The following CAPRIN1 variants were observed in gnomAD, a reference collection of about 807,000 sequenced individuals.
CAPRIN1 encodes caprin-1.
In CAPRIN1, 29 loss-of-function variants were observed where a neutral mutation model predicts 100.9. That is an observed-to-expected ratio of 0.29 (90% CI 0.21 to 0.39). The LOEUF (loss-of-function observed/expected upper bound fraction) is 0.39. Among genes scored for constraint, CAPRIN1 ranks in the 10% least tolerant of loss-of-function variants. CAPRIN1 has a pLI of 1.00. For synonymous variants in CAPRIN1, 338 were observed against 307.5 expected, an observed-to-expected ratio of 1.10 and a Z score of -1.04; for missense variants, 795 against 876.7, an observed-to-expected ratio of 0.91 and a Z score of 1.18.
At chr11:34,085,448 T>G (rs1348838202) in intron 9 of CAPRIN1, among the ~76,000 whole-genome samples, 1 of 140,674 alleles carries the variant, frequency 7.1e-6, no homozygotes, top group African/African-American at 2.4e-5. Context: ...CATAACAGTT[T>G]TAAGAAAAAT....
rs1283887833 is a variant in CAPRIN1 at position 34,099,530 on chromosome 11, A to T, written c.*163A>T. Reference sequence around the variant, plus strand: ...ACAGGACTACAATTGTCAGCTTTCTATTACCTGGATATGGAAGGAAACTAT... The same window carrying T: ...ACAGGACTACAATTGTCAGCTTTCTTTTACCTGGATATGGAAGGAAACTAT... On this transcript the variant is annotated 3_prime_UTR_variant, in exon 19 of 19. Transcript: ENST00000341394. The T allele has an allele frequency of 4.6e-5, 29 of 637,036 alleles. No individual in the cohort carries two copies. The highest frequency in any genetic ancestry group is 7.5e-5 in the Non-Finnish European group (27 of 357,910). The allele number at this position is 637,036 out of a possible 1,614,324, so 39.5% of individuals were successfully genotyped here. A position where few individuals can be genotyped will look rare whatever the true frequency, so the allele number is the denominator to read the frequency against.
At position 34,101,655 on chromosome 11, in the gene CAPRIN1, CTTTTAT is replaced by C. The variant is rs1851456617; in HGVS notation, c.*2289_*2294del. ...TTACCATCACAGTTTAAATGTATATCTTTTATGTCTCTACTCAGACCATATTTTTAA... is the reference window on the plus strand; with the variant it reads ...TTACCATCACAGTTTAAATGTATATCGTCTCTACTCAGACCATATTTTTAA... On this transcript the variant is annotated 3_prime_UTR_variant, in exon 19 of 19. Coordinates refer to ENST00000341394, the MANE Select transcript of CAPRIN1 (RefSeq NM_005898.5). Among the ~76,000 whole-genome samples the C allele has an allele frequency of 6.6e-6, 1 of 152,092 alleles. No individual in the cohort carries two copies. Among genetic ancestry groups the C allele is most frequent in the Middle Eastern group, 3.4e-3 (1 of 294 alleles).
Position 34,090,151 on chromosome 11 carries a change from A to C in CAPRIN1, c.1294-28A>C, listed in dbSNP as rs773103252. Reference sequence around the variant, plus strand: ...AACAGTCAATTTTGTAAGCAGGAAGAAGCTTTTATTTCTTTACTTATGTCT... The same window carrying C: ...AACAGTCAATTTTGTAAGCAGGAAGCAGCTTTTATTTCTTTACTTATGTCT... On this transcript the variant is annotated intron_variant, in intron 12 of 18. Coordinates refer to ENST00000341394, the MANE Select transcript of CAPRIN1 (RefSeq NM_005898.5). The C allele has an allele frequency of 2.1e-6, 3 of 1,437,976 alleles. No individual in the cohort carries two copies. In the South Asian group the frequency reaches 3.5e-5, roughly 17 times the overall value. The allele number at this position is 1,437,976 out of a possible 1,614,324, so 89.1% of individuals were successfully genotyped here. A position where few individuals can be genotyped will look rare whatever the true frequency, so the allele number is the denominator to read the frequency against.
Position 34,102,260 on chromosome 11 carries a change from T to C in CAPRIN1, c.*2893T>C, listed in dbSNP as rs373249608. 8.5e-5 allele frequency among the ~76,000 whole-genome samples: 13 copies of C among 152,338 alleles called. No individual in the cohort carries two copies. In the East Asian group the frequency reaches 1.2e-3, roughly 14 times the overall value. On this transcript the variant is annotated 3_prime_UTR_variant, in exon 19 of 19. Coordinates refer to ENST00000341394, the MANE Select transcript of CAPRIN1 (RefSeq NM_005898.5). The stretch of plus-strand genomic sequence containing the variant: ...TTGAGCAGTCAGCTTCCTAAGTGTT[T>C]TAGGACATTTGTTCATTATATTTTC...
intron 2 of CAPRIN1, among the ~76,000 whole-genome samples, chr11:34,066,920 TC>T (rs897204637): frequency 6.8e-6 from 1 of 147,926 alleles, no homozygotes; most frequent in Non-Finnish European, 1.5e-5. Context: ...GCGTGAGCCA[TC>T]ACACCCAGCA....
chr11:34,078,196 A>G (rs574338143), intron 6 of CAPRIN1, among the ~76,000 whole-genome samples: 1 of 152,316 alleles, frequency 6.6e-6, no homozygotes, highest in East Asian at 1.9e-4. Flanking sequence ...TTGAGCCAGG[A>G]GCCGCTGAAG....
At chr11:34,071,278 C>A (rs1850799960) in intron 2 of CAPRIN1, among the ~76,000 whole-genome samples, 2 of 152,056 alleles carry the variant, frequency 1.3e-5, no homozygotes. Flanking sequence ...GTTTTATGTA[C>A]TTAGGCTGGG....
intron 7 of CAPRIN1, among the ~76,000 whole-genome samples, chr11:34,080,922 T>C (rs1422247964): frequency 2.6e-5 from 4 of 152,180 alleles, no homozygotes; most frequent in Non-Finnish European, 4.4e-5. Context: ...GCAATCTTTT[T>C]CCCCCTCTTA....
chr11:34,064,250 C>CT (rs145731733), intron 2 of CAPRIN1, among the ~76,000 whole-genome samples: 15,568 of 152,216 alleles, frequency 0.1, 867 homozygotes, highest in African/African-American at 0.15. Flanking sequence ...TTACTCCTAT[C>CT]TTACCATTCT....
rs1338219104 is a variant in CAPRIN1, at chr11:34,102,588, C to T, written c.*3221C>T. ...AGACTAGTGAATGTTTAAAATTACA[C>T]TAGATTAAATAATATGAAAGTCTGG... On this transcript the variant is annotated 3_prime_UTR_variant, in exon 19 of 19. Coordinates refer to ENST00000341394, the MANE Select transcript of CAPRIN1 (RefSeq NM_005898.5). Among the ~76,000 whole-genome samples, 2 of 152,168 alleles carry T rather than the reference C, an allele frequency of 1.3e-5. No individual in the cohort carries two copies. The highest frequency in any genetic ancestry group is 6.5e-5 in the Admixed American group (1 of 15,274).
chr11:34,065,309 A>G (rs1850667246), intron 2 of CAPRIN1, among the ~76,000 whole-genome samples: 1 of 152,228 alleles, frequency 6.6e-6, no homozygotes, highest in Non-Finnish European at 1.5e-5. Flanking sequence ...TGTTTGATTC[A>G]GAATAATTTA....
In CAPRIN1 at chr11:34,056,466, T is replaced by C. The variant is rs578241949; in HGVS notation, c.216+3830T>C. On this transcript the variant is annotated intron_variant, in intron 2 of 18. Transcript: ENST00000341394. ...TGTTATGTAATGCAACTAAAAGGCT[T>C]GGTGGGTTTTTAAATTCAGGCTTAT... The C allele has an allele frequency of 1.5e-4, 23 of 152,320 alleles. No individual in the cohort carries two copies. The South Asian group carries it at 4.8e-3, about 32-fold the overall frequency. 9.4% of individuals were successfully genotyped at this position (152,320 alleles called of 1,614,324 possible).
chr11:34,082,944 T>C lies in CAPRIN1; in HGVS notation c.880-11T>C, dbSNP rs199895123. 1.9e-6 allele frequency: 3 copies of C among 1,613,622 alleles called. No homozygotes were observed. Among genetic ancestry groups the C allele is most frequent in the Non-Finnish European group, 2.5e-6 (3 of 1,179,612 alleles). ...CAAACAAATGTCTCAAACATTTACT[T>C]TGCTTTGCAGTATGTAAATAGACAG... On this transcript the variant is annotated splice_polypyrimidine_tract_variant and intron_variant, in intron 8 of 18. Transcript: ENST00000341394.
intron 14 of CAPRIN1, 30 bp from the exon 15 acceptor site, chr11:34,091,876 G>T: frequency 6.3e-7 from 1 of 1,586,276 alleles, no homozygotes; most frequent in South Asian, 1.1e-5. Flanking sequence ...ATAAAAGGAT[G>T]AACTAATCAT....
At chr11:34,061,925 G>A (rs374947612) in intron 2 of CAPRIN1, among the ~76,000 whole-genome samples, 1 of 135,300 alleles carries the variant, frequency 7.4e-6, no homozygotes, top group East Asian at 2.2e-4. Flanking sequence ...AGCCAAGATC[G>A]CACCACTACA....
rs1054879366 is a variant in CAPRIN1 at position 34,099,373 on chromosome 11, T to G, written c.*6T>G. ...ACACTCAGCAAGTGAATTAATCTGA[T>G]TCACAGGATTATGTTTAATCGCCAA... On this transcript the variant is annotated 3_prime_UTR_variant, in exon 19 of 19. Transcript: ENST00000341394. 1 of 1,611,506 alleles carries G rather than the reference T, an allele frequency of 6.2e-7. No individual in the cohort carries two copies. Among genetic ancestry groups the G allele is most frequent in the Non-Finnish European group, 8.5e-7 (1 of 1,177,696 alleles).
chr11:34,089,931 G>A, intron 12 of CAPRIN1: 1 of 264,704 alleles, frequency 3.8e-6, no homozygotes, highest in East Asian at 7.8e-5. Flanking sequence ...CTCCATCTTA[G>A]AAGTACTTGT....
At chr11:34,082,139 T>C (rs1851045243) in intron 7 of CAPRIN1, among the ~76,000 whole-genome samples, 1 of 152,076 alleles carries the variant, frequency 6.6e-6, no homozygotes, top group Non-Finnish European at 1.5e-5. Context: ...TTAAAAAAGA[T>C]TTATTACACT....
At position 34,097,221 on chromosome 11, in the gene CAPRIN1, A is replaced by G; in HGVS notation, c.1926A>G (p.Ser642=). 1 of 1,613,666 alleles carries G rather than the reference A, an allele frequency of 6.2e-7. No homozygotes were observed. Among genetic ancestry groups the G allele is most frequent in the Non-Finnish European group, 8.5e-7 (1 of 1,179,576 alleles). The change falls in exon 17 of 19, where the codon TCA becomes TCG. Residue 642 remains serine (S), a synonymous_variant. Transcript: ENST00000341394. The part of the protein sequence containing the change: ...FRGGYDGYRP[S]FSNTPNSGYT... The stretch of plus-strand genomic sequence containing the variant: ...GAGGATATGATGGTTACCGCCCTTC[A>G]TTCTCTAACACTCCAAACAGTGGTT...
Sources: gnomAD v4.1 joint callset for allele counts (sites outside exome capture counted in the v4.1 genomes callset) on GRCh38, gnomAD v4.1.1 for gene constraint, MANE v1.5 for transcripts, NCBI Gene and HGNC (gene_info 2026-07-23, HGNC 2026-07-21) for gene names.